The following SLC9A2 variants were observed in gnomAD, a reference collection of about 807,000 sequenced individuals.
The protein encoded by SLC9A2 is sodium/hydrogen exchanger 2.
A neutral mutation model predicts 71.7 loss-of-function variants in SLC9A2; 42 were observed. That is an observed-to-expected ratio of 0.59 (90% CI 0.46 to 0.76). SLC9A2 has a LOEUF of 0.76. Ranked by LOEUF, SLC9A2 falls within the 30% of genes least tolerant of loss-of-function variation. The probability of loss-of-function intolerance (pLI) is 0.00; values close to 1 mark genes in which losing one functional copy is unlikely to be tolerated. For synonymous variants in SLC9A2, 396 were observed against 392.5 expected (o/e 1.01, Z -0.10); for missense variants, 829 against 1,017.4 (o/e 0.81, Z 2.52).
chr2:102,675,477 A>G (rs191794764), intron 3 of SLC9A2, among the ~76,000 whole-genome samples: 48 of 152,320 alleles, frequency 3.2e-4, no homozygotes, highest in South Asian at 2.1e-4. Context: ...CAACTGATAA[A>G]GTTTTCATGG....
chr2:102,667,496 G>A (rs1178676591), intron 3 of SLC9A2, among the ~76,000 whole-genome samples: 9 of 152,202 alleles, frequency 5.9e-5, no homozygotes, highest in African/African-American at 1.9e-4. Context: ...GGGGAAAGTT[G>A]AAGAATTGGA....
In SLC9A2 at chr2:102,670,041, A is replaced by ATTTTTTATT. The variant is rs1553426758; in HGVS notation, c.1004+4697_1004+4698insATTTTTTTT. 6.0e-5 allele frequency among the ~76,000 whole-genome samples: 9 copies of ATTTTTTATT among 149,976 alleles called. No homozygotes were observed. The East Asian group carries it at 1.8e-3, about 30-fold the overall frequency. On this transcript the variant is annotated intron_variant, in intron 3 of 11. Coordinates refer to ENST00000233969, the MANE Select transcript of SLC9A2 (RefSeq NM_003048.6). ...TTTTATTTTTTTATTTTTATTTTTT[A>ATTTTTTATT]TTTTTTTTGAGACAGAGTCTTGCTC... is the stretch of plus-strand genomic sequence containing the variant.
At chr2:102,632,409 G>A (rs961801263) in intron 1 of SLC9A2, among the ~76,000 whole-genome samples, 12 of 151,518 alleles carry the variant, frequency 7.9e-5, no homozygotes, top group African/African-American at 2.7e-4. Context: ...AAAGTGATGT[G>A]TAGACATGGG....
In SLC9A2 at chr2:102,665,345, C is replaced by T. The variant is rs926893161; in HGVS notation, c.999C>T (p.Ile333=). 6 of 1,611,504 alleles carry T rather than the reference C, an allele frequency of 3.7e-6. No individual in the cohort carries two copies. The Admixed American group carries it at 8.3e-5, about 22-fold the overall frequency. ...ITAEMFHLSG[I]MAITACAMTM... ...CTGAAATGTTTCACCTCTCAGGCATCATGGCGTAAGTACTTCTTTGTTAAA... is the reference window on the plus strand; with the variant it reads ...CTGAAATGTTTCACCTCTCAGGCATTATGGCGTAAGTACTTCTTTGTTAAA... Residue 333 remains isoleucine (I), a synonymous_variant, in exon 3 of 12, where the codon ATC becomes ATT. Transcript: ENST00000233969.
At chr2:102,683,697 C>G (rs1677497642) in intron 4 of SLC9A2, among the ~76,000 whole-genome samples, 1 of 150,144 alleles carries the variant, frequency 6.7e-6, no homozygotes, top group Admixed American at 6.7e-5. Flanking sequence ...TTCTCATTTC[C>G]TTCCTCCTCT....
At chr2:102,686,187 T>A (rs1677542492) in intron 5 of SLC9A2, among the ~76,000 whole-genome samples, 1 of 152,210 alleles carries the variant, frequency 6.6e-6, no homozygotes, top group South Asian at 2.1e-4. Flanking sequence ...CCATGGCACA[T>A]AACTCTAGGA....
chr2:102,630,596 C>T (rs146434239), intron 1 of SLC9A2, among the ~76,000 whole-genome samples: 40 of 151,966 alleles, frequency 2.6e-4, no homozygotes, highest in Non-Finnish European at 4.6e-4. Context: ...AGCTCTTTCA[C>T]GTTTTTCGTC....
intron 1 of SLC9A2, among the ~76,000 whole-genome samples, chr2:102,651,281 T>C (rs1676828736): frequency 6.6e-6 from 1 of 152,086 alleles, no homozygotes; most frequent in Non-Finnish European, 1.5e-5. Flanking sequence ...GGTCATGACA[T>C]TCCTCTGCTC....
At chr2:102,676,205 G>A (rs1387504411) in intron 3 of SLC9A2, among the ~76,000 whole-genome samples, 1 of 152,184 alleles carries the variant, frequency 6.6e-6, no homozygotes, top group Non-Finnish European at 1.5e-5. Context: ...AGCCCACATA[G>A]ACCAGGAGTC....
intron 1 of SLC9A2, among the ~76,000 whole-genome samples, chr2:102,635,018 G>T (rs1482333397): frequency 6.6e-6 from 1 of 152,220 alleles, no homozygotes; most frequent in African/African-American, 2.4e-5. Flanking sequence ...TTGTTCAGCA[G>T]TTGCTTTCCT....
intron 2 of SLC9A2, among the ~76,000 whole-genome samples, chr2:102,659,978 T>C (rs1415633585): frequency 6.6e-6 from 1 of 152,186 alleles, no homozygotes; most frequent in Non-Finnish European, 1.5e-5. Flanking sequence ...CATTTCAGAA[T>C]GACACACCAG....
intron 3 of SLC9A2, among the ~76,000 whole-genome samples, chr2:102,682,631 C>T (rs1409494790): frequency 3.9e-5 from 6 of 152,146 alleles, no homozygotes; most frequent in Admixed American, 6.5e-5. Flanking sequence ...TTCTCAGAAC[C>T]TGTTAAAACC....
chr2:102,645,045 G>C (rs1363671733), intron 1 of SLC9A2, among the ~76,000 whole-genome samples: 1 of 152,144 alleles, frequency 6.6e-6, no homozygotes, highest in East Asian at 1.9e-4. Flanking sequence ...CTCATACAGG[G>C]GAGCTCTGGC....
At chr2:102,643,660 A>G (rs1676654705) in intron 1 of SLC9A2, among the ~76,000 whole-genome samples, 1 of 152,232 alleles carries the variant, frequency 6.6e-6, no homozygotes, top group Admixed American at 6.5e-5. Flanking sequence ...TACATATAGT[A>G]TCCAGGCTCT....
chr2:102,629,902 T>C (rs1319963478), intron 1 of SLC9A2, among the ~76,000 whole-genome samples: 2 of 152,074 alleles, frequency 1.3e-5, no homozygotes, highest in African/African-American at 4.8e-5. Context: ...AATGTAGCAA[T>C]GTCATAGGCT....
intron 1 of SLC9A2, among the ~76,000 whole-genome samples, chr2:102,635,514 GCTGT>G (rs376015705): frequency 7.2e-5 from 11 of 152,318 alleles, no homozygotes; most frequent in South Asian, 2.1e-4. Flanking sequence ...TTTCTTCTGA[GCTGT>G]CTATCACTCT....
intron 3 of SLC9A2, among the ~76,000 whole-genome samples, chr2:102,681,769 TGTGTG>T (rs1677456395): frequency 1.3e-5 from 2 of 152,338 alleles, no homozygotes; most frequent in South Asian, 4.1e-4. Flanking sequence ...GGTAGCTCAG[TGTGTG>T]GTCCTTAGAT....
intron 1 of SLC9A2, among the ~76,000 whole-genome samples, chr2:102,653,860 A>C (rs1309170698): frequency 6.6e-6 from 1 of 152,166 alleles, no homozygotes; most frequent in African/African-American, 2.4e-5. Flanking sequence ...TCTTACATAT[A>C]GGAGGGGAAG....
chr2:102,675,617 C>T (rs1397780900), intron 3 of SLC9A2, among the ~76,000 whole-genome samples: 1 of 151,810 alleles, frequency 6.6e-6, no homozygotes, highest in African/African-American at 2.4e-5. Flanking sequence ...GGTAGAGACT[C>T]AGACAGGAAA....
Sources: gnomAD v4.1 joint callset for allele counts (sites outside exome capture counted in the v4.1 genomes callset) on GRCh38, gnomAD v4.1.1 for gene constraint, MANE v1.5 for transcripts, NCBI Gene and HGNC (gene_info 2026-07-23, HGNC 2026-07-21) for gene names.